ARHGAP28: variants seen among roughly 807,000 people sequenced by gnomAD.
ARHGAP28 encodes the protein Rho GTPase activating protein 28.
ARHGAP28 carries 56 observed loss-of-function variants against 90.7 expected under a neutral mutation model. The observed-to-expected ratio is 0.62, with a 90% CI of 0.50 to 0.77. The LOEUF is 0.77. Among genes scored for constraint, ARHGAP28 ranks in the 30% least tolerant of loss-of-function variants. ARHGAP28 has a pLI of 0.00. For synonymous variants in ARHGAP28, 308 were observed against 323.3 expected, an observed-to-expected ratio of 0.95 and a Z score of 0.51; for missense variants, 869 against 900.9, an observed-to-expected ratio of 0.96 and a Z score of 0.45.
At chr18:6,857,761 T>C (rs2056965268) in intron 4 of ARHGAP28, among the ~76,000 whole-genome samples, 2 of 152,210 alleles carry the variant, frequency 1.3e-5, no homozygotes, top group South Asian at 2.1e-4. Context: ...ACATTGCAGA[T>C]AGAAGGAATT....
intron 4 of ARHGAP28, among the ~76,000 whole-genome samples, chr18:6,855,621 AG>A (rs1434654479): frequency 6.6e-6 from 1 of 152,218 alleles, no homozygotes; most frequent in East Asian, 1.9e-4. Flanking sequence ...TAACATAAAC[AG>A]GGCTGAAACA....
intron 5 of ARHGAP28, among the ~76,000 whole-genome samples, chr18:6,867,254 T>C (rs532522436): frequency 6.6e-6 from 1 of 152,204 alleles, no homozygotes; most frequent in Non-Finnish European, 1.5e-5. Context: ...TAGTACATGA[T>C]AAAAGACCTT....
intron 1 of ARHGAP28, among the ~76,000 whole-genome samples, chr18:6,747,636 C>A (rs936596142): frequency 6.6e-6 from 1 of 152,096 alleles, no homozygotes; most frequent in Non-Finnish European, 1.5e-5. Context: ...CAGACTCAAG[C>A]AAAAAATTCT....
At chr18:6,891,262 C>T (rs2057263097) in intron 14 of ARHGAP28, among the ~76,000 whole-genome samples, 1 of 152,028 alleles carries the variant, frequency 6.6e-6, no homozygotes, top group East Asian at 1.9e-4. Context: ...AAGGAATGTG[C>T]TCTAGCGTGG....
intron 13 of ARHGAP28, 46 bp from the exon 14 acceptor site, chr18:6,890,384 G>A (rs780175267): frequency 6.3e-6 from 8 of 1,278,906 alleles, no homozygotes; most frequent in South Asian, 5.2e-5. Context: ...TAGGGAGTTT[G>A]AATTCAAGTG....
intron 17 of ARHGAP28, among the ~76,000 whole-genome samples, chr18:6,909,963 C>T (rs1019817900): frequency 6.6e-6 from 1 of 152,144 alleles, no homozygotes; most frequent in Non-Finnish European, 1.5e-5. Flanking sequence ...ATTATTTCTT[C>T]ACCCCCCTTT....
At chr18:6,777,750 G>GTGAATGAA (rs374977705) in intron 1 of ARHGAP28, among the ~76,000 whole-genome samples, 2 of 150,748 alleles carry the variant, frequency 1.3e-5, no homozygotes, top group African/African-American at 5.0e-5. Context: ...GAATGAATGA[G>GTGAATGAA]TGAATGAATG....
At position 6,779,329 on chromosome 18, in the gene ARHGAP28, A is replaced by G. The variant is rs528586811; in HGVS notation, c.123-45433A>G. On this transcript the variant is annotated intron_variant, in intron 1 of 17. Coordinates refer to ENST00000383472, the MANE Select transcript of ARHGAP28 (RefSeq NM_001366230.1). ...AAAGTAAGCAGTGAAATCCTCCTCCATCTGCTGATTAGGGTTGTGGAATTT... is the reference window on the plus strand; with the variant it reads ...AAAGTAAGCAGTGAAATCCTCCTCCGTCTGCTGATTAGGGTTGTGGAATTT... Among the ~76,000 whole-genome samples, 4 of 152,316 alleles carry G rather than the reference A, an allele frequency of 2.6e-5. No individual in the cohort carries two copies. The East Asian group carries it at 7.7e-4, about 29-fold the overall frequency.
rs942742853 is a variant in ARHGAP28, at chr18:6,851,573, A to G, written c.636+447A>G. On this transcript the variant is annotated intron_variant, in intron 4 of 17. Transcript: ENST00000383472. ...CCCAACCGTTCTACTCATAAGTAAT[A>G]TATATACACACAGACACTTATCCAC... is the stretch of plus-strand genomic sequence containing the variant. Among the ~76,000 whole-genome samples the G allele has an allele frequency of 6.6e-5, 10 of 152,220 alleles. No individual in the cohort carries two copies. The South Asian group carries it at 1.7e-3, about 25-fold the overall frequency.
At chr18:6,759,101 T>C (rs564850037) in intron 1 of ARHGAP28, among the ~76,000 whole-genome samples, 1 of 152,334 alleles carries the variant, frequency 6.6e-6, no homozygotes, top group East Asian at 1.9e-4. Context: ...TGTTTTCTTA[T>C]AGGCATTATT....
At position 6,871,644 on chromosome 18, in the gene ARHGAP28, T is replaced by A. The variant is rs185053418; in HGVS notation, c.954+912T>A. Among the ~76,000 whole-genome samples the A allele has an allele frequency of 4.8e-4, 73 of 152,208 alleles. 2 individuals carry two copies. The highest frequency in any genetic ancestry group is 4.1e-3 in the Admixed American group (62 of 15,284). The stretch of plus-strand genomic sequence containing the variant: ...ATTCAACCAATGCATGTGTGAAAAG[T>A]TTATCTTGTGGAGTCCTGAATACTC... On this transcript the variant is annotated intron_variant, in intron 7 of 17. Coordinates refer to ENST00000383472, the MANE Select transcript of ARHGAP28 (RefSeq NM_001366230.1).
intron 1 of ARHGAP28, among the ~76,000 whole-genome samples, chr18:6,820,713 A>G (rs1209779890): frequency 1.3e-5 from 2 of 152,250 alleles, no homozygotes; most frequent in Non-Finnish European, 2.9e-5. Flanking sequence ...AATAGACTCA[A>G]CAAGACAATG....
At chr18:6,747,971 G>A (rs1282026049) in intron 1 of ARHGAP28, among the ~76,000 whole-genome samples, 1 of 152,166 alleles carries the variant, frequency 6.6e-6, no homozygotes, top group Non-Finnish European at 1.5e-5. Flanking sequence ...ATGAAACACT[G>A]GCTTGCCTTA....
intron 1 of ARHGAP28, among the ~76,000 whole-genome samples, chr18:6,769,354 CCTAA>C (rs2143394282): frequency 6.6e-6 from 1 of 152,294 alleles, no homozygotes; most frequent in African/African-American, 2.4e-5. Flanking sequence ...AAAGTAATTT[CCTAA>C]CTGGGGCTCC....
At chr18:6,790,190 C>T (rs1020798430) in intron 1 of ARHGAP28, 7 of 152,082 alleles carry the variant, frequency 4.6e-5, no homozygotes, top group African/African-American at 9.7e-5. Context: ...TAACTTTTTA[C>T]GTAACATTTT....
intron 11 of ARHGAP28, among the ~76,000 whole-genome samples, chr18:6,883,073 T>C (rs923854417): frequency 2.0e-5 from 3 of 151,978 alleles, no homozygotes; most frequent in Admixed American, 6.6e-5. Flanking sequence ...GCTAAGTAAA[T>C]GTTGATTCTA....
At position 6,872,793 on chromosome 18, in the gene ARHGAP28, C is replaced by T. The variant is rs11876470; in HGVS notation, c.955-616C>T. Among the ~76,000 whole-genome samples, 587 of 152,182 alleles carry T rather than the reference C, an allele frequency of 3.9e-3. 3 individuals carry two copies. The highest frequency in any genetic ancestry group is 0.014 in the African/African-American group (570 of 41,522). ...ATGTCAGTATCGTTGTCTTCAAAAT[C>T]ATAGTAGGATTGTTTGCACTTTCTC... On this transcript the variant is annotated intron_variant, in intron 7 of 17. Transcript: ENST00000383472.
chr18:6,858,731 A>G (rs1259480646), intron 4 of ARHGAP28, among the ~76,000 whole-genome samples: 1 of 151,954 alleles, frequency 6.6e-6, no homozygotes, highest in Non-Finnish European at 1.5e-5. Flanking sequence ...GGGTTTCCCT[A>G]TGTTGGCCAG....
Position 6,761,725 on chromosome 18 carries a change from G to A in ARHGAP28, c.122+31782G>A, listed in dbSNP as rs1465469101. Among the ~76,000 whole-genome samples, 4 of 152,204 alleles carry A rather than the reference G, an allele frequency of 2.6e-5. No homozygotes were observed. The East Asian group carries it at 7.7e-4, about 29-fold the overall frequency. The stretch of plus-strand genomic sequence containing the variant: ...CCTCCAAATATGTACCTTCAGCCCA[G>A]CCTCCTTCCTGAATAGTGGTTTTCA... On this transcript the variant is annotated intron_variant, in intron 1 of 17. Coordinates refer to ENST00000383472, the MANE Select transcript of ARHGAP28 (RefSeq NM_001366230.1).
Sources: allele counts gnomAD v4.1 joint callset (sites outside exome capture counted in the v4.1 genomes callset), GRCh38; gene constraint gnomAD v4.1.1; transcripts MANE v1.5; gene names NCBI Gene and HGNC (gene_info 2026-07-23, HGNC 2026-07-21).